The following HMGCL variants were observed in gnomAD, a reference collection of about 807,000 sequenced individuals.
The protein encoded by HMGCL is hydroxymethylglutaryl-CoA lyase, mitochondrial.
HMGCL carries 26 observed loss-of-function variants against 37.3 expected under a neutral mutation model. That is an observed-to-expected ratio of 0.70 (90% CI 0.51 to 0.97). The LOEUF (loss-of-function observed/expected upper bound fraction) is 0.97. Among genes scored for constraint, HMGCL ranks in the 50% least tolerant of loss-of-function variants. HMGCL has a pLI of 0.00. For synonymous variants in HMGCL, 151 were observed against 148.0 expected, an observed-to-expected ratio of 1.02 and a Z score of -0.15; for missense variants, 379 against 398.1, an observed-to-expected ratio of 0.95 and a Z score of 0.41.
chr1:23,824,907 C>G (rs545530345), intron 1 of HMGCL, among the ~76,000 whole-genome samples: 26 of 152,342 alleles, frequency 1.7e-4, no homozygotes, highest in African/African-American at 5.5e-4. Flanking sequence ...CAGCTTGGCT[C>G]CAATCAACGC....
At chr1:23,804,321 C>T (rs942044637) in intron 8 of HMGCL, 79 bp downstream of exon 8, 10 of 1,565,338 alleles carry the variant, frequency 6.4e-6, no homozygotes, top group Non-Finnish European at 8.8e-6. Flanking sequence ...ACCCCAAATA[C>T]CCCCATCCAC....
chr1:23,814,563 G>A lies in HMGCL; in HGVS notation c.349-225C>T, dbSNP rs370531229. Among the ~76,000 whole-genome samples the A allele has an allele frequency of 2.7e-4, 41 of 152,168 alleles. No homozygotes were observed. The East Asian group carries it at 3.1e-3, about 11-fold the overall frequency. On this transcript the variant is annotated intron_variant, in intron 4 of 8. Transcript: ENST00000374490. Reference sequence around the variant, plus strand: ...TTTTTGTATTTTTAGTAGAGACAGCGTTTCACCATGTTGGTCAGGCTGGTT... The same window carrying A: ...TTTTTGTATTTTTAGTAGAGACAGCATTTCACCATGTTGGTCAGGCTGGTT...
chr1:23,822,301 G>A (rs1243400467), intron 1 of HMGCL, among the ~76,000 whole-genome samples: 1 of 152,106 alleles, frequency 6.6e-6, no homozygotes, highest in Non-Finnish European at 1.5e-5. Flanking sequence ...TCTAAGGGGA[G>A]GTGACACCCC....
Position 23,808,179 on chromosome 1 carries a change from C to A in HMGCL, c.706G>T (p.Asp236Tyr). Reference protein sequence around the residue: ...PLAALAVHCHDTYGQALANTL... With the variant: ...PLAALAVHCHYTYGQALANTL... ...TTGGCCAGGGCTTGACCATAGGTGTCATGGCAGTGGACAGCCAGGGCAGCC... is the reference window on the plus strand; with the variant it reads ...TTGGCCAGGGCTTGACCATAGGTGTAATGGCAGTGGACAGCCAGGGCAGCC... Residue 236 changes from aspartate to tyrosine, a missense_variant, in exon 7 of 9, where the codon GAC becomes TAC. Asp to Tyr is a radical substitution (Grantham distance 160). Transcript: ENST00000374490. 6.2e-7 allele frequency: 1 copy of A among 1,614,120 alleles called. No homozygotes were observed. The highest frequency in any genetic ancestry group is 8.5e-7 in the Non-Finnish European group (1 of 1,180,022).
At chr1:23,822,291 T>G (rs1017565738) in intron 1 of HMGCL, among the ~76,000 whole-genome samples, 3 of 152,084 alleles carry the variant, frequency 2.0e-5, no homozygotes, top group Non-Finnish European at 4.4e-5. Context: ...CAAGCATGGG[T>G]CTAAGGGGAG....
intron 1 of HMGCL, among the ~76,000 whole-genome samples, chr1:23,822,744 A>G (rs536146721): frequency 4.6e-5 from 7 of 152,230 alleles, no homozygotes; most frequent in Admixed American, 1.3e-4. Flanking sequence ...CTCTGCTAGT[A>G]TATCACCCTA....
chr1:23,823,307 A>G (rs1312852777), intron 1 of HMGCL, among the ~76,000 whole-genome samples: 2 of 151,960 alleles, frequency 1.3e-5, no homozygotes, highest in African/African-American at 4.8e-5. Flanking sequence ...CAGTTTTTAA[A>G]CACTTAATAT....
chr1:23,807,705 C>T (rs576377177), intron 7 of HMGCL, among the ~76,000 whole-genome samples: 13 of 152,318 alleles, frequency 8.5e-5, no homozygotes, highest in African/African-American at 2.6e-4. Context: ...ACACTGAAAA[C>T]CCTGTATATT....
chr1:23,809,005 A>C (rs1638466336), intron 6 of HMGCL, among the ~76,000 whole-genome samples: 1 of 150,094 alleles, frequency 6.7e-6, no homozygotes, highest in African/African-American at 2.4e-5. Context: ...TCCTGGGTTC[A>C]AGTGATTCTC....
chr1:23,824,719 A>G (rs1638784108), intron 1 of HMGCL, among the ~76,000 whole-genome samples: 2 of 152,248 alleles, frequency 1.3e-5, no homozygotes, highest in South Asian at 4.1e-4. Flanking sequence ...GGTTTAGAGA[A>G]AGTAAATAAC....
At chr1:23,814,397 G>A (rs1557490790) in intron 4 of HMGCL, 59 bp from the exon 5 acceptor site, 3 of 1,591,368 alleles carry the variant, frequency 1.9e-6, no homozygotes, top group Non-Finnish European at 2.6e-6. Context: ...TTGAGATGGA[G>A]TCTTGCTTTG....
chr1:23,811,857 T>G (rs1421307210), intron 5 of HMGCL, among the ~76,000 whole-genome samples: 4 of 152,330 alleles, frequency 2.6e-5, no homozygotes, highest in Admixed American at 6.5e-5. Context: ...AAATTCTGCA[T>G]ATTAAGAGGC....
At chr1:23,817,349 GA>G in intron 3 of HMGCL, 126 bp downstream of exon 3, 1 of 665,540 alleles carries the variant, frequency 1.5e-6, no homozygotes, top group Non-Finnish European at 2.7e-6. Flanking sequence ...ACAGTGCTAT[GA>G]ATCACCTGAG....
Position 23,810,752 on chromosome 1 carries a change from G to C in HMGCL, c.545C>G (p.Pro182Arg). 2 of 1,613,966 alleles carry C rather than the reference G, an allele frequency of 1.2e-6. No homozygotes were observed. Among genetic ancestry groups the C allele is most frequent in the Non-Finnish European group, 1.7e-6 (2 of 1,179,878 alleles). Residue 182 changes from proline (P) to arginine (R), a missense_variant, in exon 6 of 9, where the codon CCA becomes CGA. By Grantham distance (103) the Pro-to-Arg change is moderately radical. Coordinates refer to ENST00000374490, the MANE Select transcript of HMGCL (RefSeq NM_000191.3). ...LGCPYEGKIS[P>R]AKVAEVTKKF... ...TGCACACACCTCAGCTACTTTAGCTGGGGAGATCTTCCCTTCATAAGGGCA... is the reference window on the plus strand; with the variant it reads ...TGCACACACCTCAGCTACTTTAGCTCGGGAGATCTTCCCTTCATAAGGGCA...
chr1:23,812,568 C>G (rs1557489888), intron 5 of HMGCL, among the ~76,000 whole-genome samples: 1 of 152,104 alleles, frequency 6.6e-6, no homozygotes, highest in Non-Finnish European at 1.5e-5. Flanking sequence ...AGGCCCAAGC[C>G]AGTCACAAAC....
chr1:23,820,399 C>T, intron 2 of HMGCL, 111 bp downstream of exon 2: 1 of 789,998 alleles, frequency 1.3e-6, no homozygotes. Flanking sequence ...CTAACTTGTG[C>T]AGAGGAATCA....
chr1:23,817,388 CTA>C, intron 3 of HMGCL, 86 bp downstream of exon 3: 1 of 794,762 alleles, frequency 1.3e-6, no homozygotes, highest in Admixed American at 1.9e-5. Context: ...GCTTGGAAAC[CTA>C]TGTTCTCAAC....
intron 8 of HMGCL, chr1:23,803,830 C>G (rs1177185175): frequency 6.5e-6 from 1 of 153,162 alleles, no homozygotes; most frequent in Non-Finnish European, 1.5e-5. Context: ...CACTGAGGGC[C>G]CTGGTGGACT....
chr1:23,816,601 G>C, intron 4 of HMGCL, 74 bp downstream of exon 4: 2 of 930,430 alleles, frequency 2.1e-6, no homozygotes, highest in Non-Finnish European at 1.8e-6. Flanking sequence ...AGGGGACTGA[G>C]GCGCCAAGAC....
Sources: gnomAD v4.1 joint callset for allele counts (sites outside exome capture counted in the v4.1 genomes callset) on GRCh38, gnomAD v4.1.1 for gene constraint, MANE v1.5 for transcripts, NCBI Gene and HGNC (gene_info 2026-07-23, HGNC 2026-07-21) for gene names.